The following PDK1 variants were observed in gnomAD, a reference collection of about 807,000 sequenced individuals.
The protein encoded by PDK1 is [Pyruvate dehydrogenase (acetyl-transferring)] kinase isozyme 1, mitochondrial.
In PDK1, 39 loss-of-function variants were observed where a neutral mutation model predicts 54.2. The ratio of observed to expected loss-of-function variants is 0.72; its 90% CI spans 0.56 to 0.94. The LOEUF is 0.94. Ranked by LOEUF, PDK1 falls within the 40% of genes least tolerant of loss-of-function variation. The pLI, the probability that PDK1 is intolerant of heterozygous loss-of-function variation, is 0.00. For synonymous variants in PDK1, 221 were observed against 207.1 expected, an observed-to-expected ratio of 1.07 and a Z score of -0.58; for missense variants, 552 against 566.0, an observed-to-expected ratio of 0.98 and a Z score of 0.25.
chr2:172,596,051 A>C lies in PDK1; in HGVS notation c.*82A>C, dbSNP rs1009662542. 4 of 1,149,082 alleles carry C rather than the reference A, an allele frequency of 3.5e-6. No individual in the cohort carries two copies. Among genetic ancestry groups the C allele is most frequent in the Admixed American group, 5.3e-5 (2 of 38,080 alleles). 71.2% of individuals were successfully genotyped at this position (1,149,082 alleles called of 1,614,324 possible). A position where few individuals can be genotyped will look rare whatever the true frequency, so the allele number is the denominator to read the frequency against. The stretch of plus-strand genomic sequence containing the variant: ...ATGGTGTTCAGAACTATATTATACC[A>C]AGTACTTTATTTATCGTTTTCACAA... On this transcript the variant is annotated 3_prime_UTR_variant, in exon 11 of 11. Coordinates refer to ENST00000282077, the MANE Select transcript of PDK1 (RefSeq NM_002610.5).
At chr2:172,723,550 T>A in the PDK1 span, 5 of 152,194 alleles carry the variant, frequency 3.3e-5, no homozygotes, top group African/African-American at 9.6e-5. Context: ...AATGTCAATG[T>A]CATGAAAGAA....
At chr2:172,588,173 C>T (rs984212223) in intron 9 of PDK1, among the ~76,000 whole-genome samples, 1 of 152,206 alleles carries the variant, frequency 6.6e-6, no homozygotes, top group African/African-American at 2.4e-5. Context: ...AAGGGGCAGA[C>T]AGACAATGTC....
intron 9 of PDK1, 28 bp downstream of exon 9, chr2:172,586,416 G>A: frequency 7.1e-7 from 1 of 1,399,852 alleles, no homozygotes; most frequent in Non-Finnish European, 1.0e-6. Context: ...AATGAAGTGT[G>A]TTTCTGTGAA....
rs774212515 is a variant in PDK1 at position 172,564,970 on chromosome 2, T to C, written c.596-8T>C. On this transcript the variant is annotated splice_region_variant and splice_polypyrimidine_tract_variant and intron_variant, in intron 4 of 10. Coordinates refer to ENST00000282077, the MANE Select transcript of PDK1 (RefSeq NM_002610.5). ...CTTATTTTGTTGGTTTTTTTCCTTT[T>C]TGGATAGCTTTATTGTTTGGTGGAA... is the stretch of plus-strand genomic sequence containing the variant. 8.7e-6 allele frequency: 14 copies of C among 1,600,396 alleles called. No individual in the cohort carries two copies. The highest frequency in any genetic ancestry group is 2.2e-5 in the East Asian group (1 of 44,746).
the PDK1 span, among the ~76,000 whole-genome samples, chr2:172,621,717 T>TTATATGTTTATATCTCATATATGTCA: frequency 3.0e-4 from 41 of 137,670 alleles, no homozygotes; most frequent in African/African-American, 9.7e-4. Context: ...ATCAAACATG[T>TTATATGTTTATATCTCATATATGTCA]TATATGTTTA....
At chr2:172,656,728 C>A in the PDK1 span, among the ~76,000 whole-genome samples, 1 of 152,066 alleles carries the variant, frequency 6.6e-6, no homozygotes, top group Non-Finnish European at 1.5e-5. Context: ...CCTTATTGGG[C>A]AACATGGCAA....
chr2:172,573,857 G>T (rs1460185211), intron 8 of PDK1, among the ~76,000 whole-genome samples: 1 of 152,030 alleles, frequency 6.6e-6, no homozygotes, highest in African/African-American at 2.4e-5. Flanking sequence ...TTGAACTCCT[G>T]AACTTAAGCA....
chr2:172,644,112 G>A, the PDK1 span, among the ~76,000 whole-genome samples: 1 of 152,102 alleles, frequency 6.6e-6, no homozygotes, highest in Non-Finnish European at 1.5e-5. Flanking sequence ...TGCCCCGAGG[G>A]CATGAGGAGG....
At chr2:172,568,228 T>G (rs1236570905) in intron 6 of PDK1, among the ~76,000 whole-genome samples, 1 of 147,612 alleles carries the variant, frequency 6.8e-6, no homozygotes, top group African/African-American at 2.5e-5. Context: ...CTCGGGAGGC[T>G]GAGGCAGGAG....
chr2:172,565,771 G>A (rs114090884), intron 5 of PDK1, among the ~76,000 whole-genome samples: 2,713 of 152,254 alleles, frequency 0.018, 89 homozygotes, highest in African/African-American at 0.062. Flanking sequence ...GTTGTTTTTA[G>A]AAAATGGGGT....
chr2:172,679,271 C>A, the PDK1 span, among the ~76,000 whole-genome samples: 1 of 152,008 alleles, frequency 6.6e-6, no homozygotes, highest in South Asian at 2.1e-4. Context: ...CATAGTGAGA[C>A]CCTGTCTCTA....
At chr2:172,555,899 C>T (rs575694688), upstream of PDK1, 869 of 349,264 alleles carry the variant, frequency 2.5e-3, 8 homozygotes, top group African/African-American at 0.015. Flanking sequence ...CATCTCCTTC[C>T]TCGGGAGGCT....
chr2:172,701,167 G>A, the PDK1 span, among the ~76,000 whole-genome samples: 2 of 152,180 alleles, frequency 1.3e-5, no homozygotes, highest in Non-Finnish European at 2.9e-5. Flanking sequence ...TCGGCCACTT[G>A]TTCCATCTTC....
the PDK1 span, among the ~76,000 whole-genome samples, chr2:172,716,786 T>C: frequency 6.6e-5 from 10 of 152,232 alleles, no homozygotes; most frequent in Admixed American, 6.5e-4. Context: ...AAATCTAAAA[T>C]ACAGAGGTAA....
intron 9 of PDK1, among the ~76,000 whole-genome samples, chr2:172,587,225 G>A (rs979841925): frequency 2.0e-5 from 3 of 152,204 alleles, no homozygotes; most frequent in African/African-American, 7.2e-5. Flanking sequence ...CTTAAAGATG[G>A]TGTATCCAGA....
the PDK1 span, among the ~76,000 whole-genome samples, chr2:172,706,820 TTGAC>T: frequency 2.6e-5 from 4 of 152,204 alleles, no homozygotes; most frequent in Admixed American, 2.0e-4. Flanking sequence ...TGGTACCTCT[TTGAC>T]AGGGCAGGTG....
chr2:172,702,439 T>C, the PDK1 span, among the ~76,000 whole-genome samples: 2 of 151,048 alleles, frequency 1.3e-5, no homozygotes, highest in Non-Finnish European at 2.9e-5. Context: ...ATCGTGCCAT[T>C]GCACTCCAGC....
the PDK1 span, among the ~76,000 whole-genome samples, chr2:172,631,288 G>A: frequency 6.6e-6 from 1 of 152,170 alleles, no homozygotes; most frequent in Admixed American, 6.5e-5. Context: ...TAGTTTGTTT[G>A]GCTTGTGCCA....
At chr2:172,557,647 A>AT (rs560553594) in intron 1 of PDK1, among the ~76,000 whole-genome samples, 2,192 of 89,880 alleles carry the variant, frequency 0.024, 26 homozygotes, top group South Asian at 0.07. Context: ...GTGTGTGTGT[A>AT]TTTTTTTTTA....
Sources: gnomAD v4.1 joint callset for allele counts (sites outside exome capture counted in the v4.1 genomes callset) on GRCh38, gnomAD v4.1.1 for gene constraint, MANE v1.5 for transcripts, NCBI Gene and HGNC (gene_info 2026-07-23, HGNC 2026-07-21) for gene names.